Variants in NCKAP5 observed in about 807,000 individuals in gnomAD.
The protein encoded by NCKAP5 is nck-associated protein 5.
A neutral mutation model predicts 167.0 loss-of-function variants in NCKAP5; 92 were observed. The observed-to-expected ratio is 0.55, with a 90% CI of 0.47 to 0.66. The LOEUF (loss-of-function observed/expected upper bound fraction) is 0.66, where lower values mean the gene tolerates loss of function less well. NCKAP5 is among the 30% of genes least tolerant of loss of function. The probability of loss-of-function intolerance (pLI) is 0.00; values close to 1 mark genes in which losing one functional copy is unlikely to be tolerated. For synonymous variants in NCKAP5, 891 were observed against 877.4 expected (o/e 1.02, Z -0.27); for missense variants, 2,378 against 2,315.0 (o/e 1.03, Z -0.56).
chr2:133,273,729 G>T (rs1271461735), intron 4 of NCKAP5, among the ~76,000 whole-genome samples: 1 of 151,610 alleles, frequency 6.6e-6, no homozygotes, highest in East Asian at 1.9e-4. Flanking sequence ...ATAATTAAAT[G>T]GTGTTACTAA....
chr2:132,787,469 G>A lies in NCKAP5; in HGVS notation c.1093-1751C>T, dbSNP rs143164472. Among the ~76,000 whole-genome samples the A allele has an allele frequency of 3.0e-3, 455 of 151,972 alleles. 3 individuals are homozygous for A. Among genetic ancestry groups the A allele is most frequent in the African/African-American group, 0.01 (423 of 41,414 alleles). ...CATCAGTCTCCTCCCTGCCCCACAC[G>A]CTTATGTGCAGTGGTTGAAAAACAT... On this transcript the variant is annotated intron_variant, in intron 13 of 19. Coordinates refer to ENST00000409261, the MANE Select transcript of NCKAP5 (RefSeq NM_207363.3).
At chr2:133,044,462 C>T (rs1439444469) in intron 6 of NCKAP5, among the ~76,000 whole-genome samples, 1 of 151,896 alleles carries the variant, frequency 6.6e-6, no homozygotes, top group Non-Finnish European at 1.5e-5. Context: ...ATAAAGGGCC[C>T]ATAAACATGT....
the NCKAP5 span, among the ~76,000 whole-genome samples, chr2:133,610,715 T>C: frequency 6.6e-6 from 1 of 152,176 alleles, no homozygotes; most frequent in South Asian, 2.1e-4. Flanking sequence ...CTCTCTCTCT[T>C]TTAAAAATAG....
intron 6 of NCKAP5, among the ~76,000 whole-genome samples, chr2:133,002,237 C>T (rs973930578): frequency 2.6e-5 from 4 of 152,092 alleles, no homozygotes; most frequent in Non-Finnish European, 4.4e-5. Flanking sequence ...TCCAAGATCC[C>T]CCCAGTGAAT....
chr2:132,941,100 T>C lies in NCKAP5; in HGVS notation c.579+22620A>G, dbSNP rs548162101. ...TGAAAGTTGGCCAAGTCCCCACAAC[T>C]GTCAGAAACAGAGCAAATCCTCAAA... On this transcript the variant is annotated intron_variant, in intron 8 of 19. Transcript: ENST00000409261. Among the ~76,000 whole-genome samples the C allele has an allele frequency of 2.6e-5, 4 of 152,346 alleles. No individual in the cohort carries two copies. The East Asian group carries it at 7.7e-4, about 29-fold the overall frequency.
chr2:132,719,722 A>G (rs1689726384), intron 19 of NCKAP5, among the ~76,000 whole-genome samples: 1 of 152,224 alleles, frequency 6.6e-6, no homozygotes, highest in South Asian at 2.1e-4. Context: ...GGCAGACCTG[A>G]AAAGCCTCTA....
chr2:133,368,880 T>C (rs949356846), intron 3 of NCKAP5, among the ~76,000 whole-genome samples: 7 of 151,980 alleles, frequency 4.6e-5, no homozygotes, highest in South Asian at 2.1e-4. Flanking sequence ...TTCAGAGGAG[T>C]AGAAGATAAA....
At chr2:132,906,307 C>A (rs1694006200) in intron 8 of NCKAP5, among the ~76,000 whole-genome samples, 1 of 151,988 alleles carries the variant, frequency 6.6e-6, no homozygotes, top group South Asian at 2.1e-4. Context: ...GAATGAATTC[C>A]AATTTAACTA....
intron 3 of NCKAP5, among the ~76,000 whole-genome samples, chr2:133,469,429 T>C (rs1692870838): frequency 6.6e-6 from 1 of 152,252 alleles, no homozygotes; most frequent in South Asian, 2.1e-4. Context: ...CCTTTCTCTC[T>C]GGCTGCCCTT....
At chr2:132,688,503 A>T (rs1402198077) in intron 19 of NCKAP5, among the ~76,000 whole-genome samples, 1 of 152,330 alleles carries the variant, frequency 6.6e-6, no homozygotes, top group East Asian at 1.9e-4. Flanking sequence ...AGAGGCAGTG[A>T]CACAGCATTA....
At chr2:133,469,145 G>C (rs1175791036) in intron 3 of NCKAP5, among the ~76,000 whole-genome samples, 1 of 151,994 alleles carries the variant, frequency 6.6e-6, no homozygotes, top group Non-Finnish European at 1.5e-5. Flanking sequence ...GCAGTGGCTG[G>C]TACCGGCTTT....
At chr2:133,207,295 G>C (rs2085995575) in intron 5 of NCKAP5, among the ~76,000 whole-genome samples, 1 of 152,028 alleles carries the variant, frequency 6.6e-6, no homozygotes, top group South Asian at 2.1e-4. Flanking sequence ...CTGACACTTA[G>C]GGAAAATAGA....
At chr2:133,024,953 GA>G (rs1194314278) in intron 6 of NCKAP5, among the ~76,000 whole-genome samples, 4 of 152,202 alleles carry the variant, frequency 2.6e-5, no homozygotes, top group Non-Finnish European at 4.4e-5. Context: ...ATGCCATATA[GA>G]AAATATGATG....
chr2:133,556,789 G>A (rs1029864021), intron 2 of NCKAP5: 2 of 152,190 alleles, frequency 1.3e-5, no homozygotes, highest in African/African-American at 4.8e-5. Flanking sequence ...ATTTATGACA[G>A]ACGTTTGGGT....
Position 133,085,460 on chromosome 2 carries a change from C to A in NCKAP5, c.341+44518G>T, listed in dbSNP as rs78365209. On this transcript the variant is annotated intron_variant, in intron 6 of 19. Coordinates refer to ENST00000409261, the MANE Select transcript of NCKAP5 (RefSeq NM_207363.3). ...ACCACACACAACATATATACACACA[C>A]AAAAATAAAATGTGCAAGATTTTTA... 6.7e-4 allele frequency among the ~76,000 whole-genome samples: 102 copies of A among 152,102 alleles called. 2 individuals are homozygous for A. In the East Asian group the frequency reaches 0.018, roughly 27 times the overall value.
At position 133,386,976 on chromosome 2, in the gene NCKAP5, C is replaced by A. The variant is rs185734777; in HGVS notation, c.70-83866G>T. 5.9e-4 allele frequency among the ~76,000 whole-genome samples: 90 copies of A among 152,308 alleles called. No homozygotes were observed. The East Asian group carries it at 0.016, about 27-fold the overall frequency. On this transcript the variant is annotated intron_variant, in intron 3 of 19. Coordinates refer to ENST00000409261, the MANE Select transcript of NCKAP5 (RefSeq NM_207363.3). ...AGATGGGTTTCCTGAAGGCAGCACA[C>A]TGATGGGTCTTGACTCTTATCCAAT...
chr2:133,183,229 A>C (rs570495424), intron 5 of NCKAP5, among the ~76,000 whole-genome samples: 72 of 152,232 alleles, frequency 4.7e-4, no homozygotes, highest in African/African-American at 1.7e-3. Context: ...CTTTCAGAAA[A>C]TACAACAAGA....
intron 19 of NCKAP5, among the ~76,000 whole-genome samples, chr2:132,695,410 G>T (rs1302043586): frequency 1.3e-5 from 2 of 152,186 alleles, no homozygotes; most frequent in Non-Finnish European, 2.9e-5. Context: ...ATCTGGGGAG[G>T]CTGGAAATGT....
intron 5 of NCKAP5, among the ~76,000 whole-genome samples, chr2:133,204,425 A>AT (rs1464014990): frequency 4.6e-5 from 7 of 152,094 alleles, no homozygotes; most frequent in African/African-American, 1.7e-4. Flanking sequence ...TACATGTTAG[A>AT]TTTTTTTATG....
Sources: allele counts gnomAD v4.1 joint callset (sites outside exome capture counted in the v4.1 genomes callset), GRCh38; gene constraint gnomAD v4.1.1; transcripts MANE v1.5; gene names NCBI Gene and HGNC (gene_info 2026-07-23, HGNC 2026-07-21).